OTOGL: variants seen among roughly 807,000 people sequenced by gnomAD.
OTOGL encodes the protein otogelin-like protein.
A neutral mutation model predicts 318.5 loss-of-function variants in OTOGL; 285 were observed. The ratio of observed to expected loss-of-function variants is 0.89; its 90% confidence interval spans 0.81 to 0.99. The LOEUF (loss-of-function observed/expected upper bound fraction) is 0.99, where lower values mean the gene tolerates loss of function less well. Ranked by LOEUF, OTOGL falls within the 50% of genes least tolerant of loss-of-function variation. The probability of loss-of-function intolerance (pLI) is 0.00; values close to 1 mark genes in which losing one functional copy is unlikely to be tolerated. For missense variants in OTOGL, 2,899 were observed against 2,845.6 expected, an observed-to-expected ratio of 1.02 and a Z score of -0.43; for synonymous variants, 987 against 936.5, an observed-to-expected ratio of 1.05 and a Z score of -0.99.
At chr12:80,128,692 T>G (rs1368709681) in intron 1 of OTOGL, among the ~76,000 whole-genome samples, 1 of 152,216 alleles carries the variant, frequency 6.6e-6, no homozygotes, top group Non-Finnish European at 1.5e-5. Context: ...CTCCACCTAG[T>G]TCGAGCTTCC....
chr12:80,268,141 T>C (rs1427720188), intron 22 of OTOGL, among the ~76,000 whole-genome samples: 1 of 152,148 alleles, frequency 6.6e-6, no homozygotes, highest in African/African-American at 2.4e-5. Context: ...CAGCAGTCCA[T>C]ACTTACATAT....
chr12:80,123,954 G>T (rs1357479627), intron 1 of OTOGL, among the ~76,000 whole-genome samples: 3 of 152,116 alleles, frequency 2.0e-5, no homozygotes, highest in Non-Finnish European at 4.4e-5. Flanking sequence ...TGTCAGATGA[G>T]TAGATTGCAA....
In OTOGL at chr12:80,313,615, G is replaced by C. The variant is rs745418563; in HGVS notation, c.3590G>C (p.Arg1197Thr). The change falls in exon 31 of 59, where the codon AGA (arginine) becomes ACA (threonine). Residue 1197 changes from arginine to threonine, a missense_variant. Coordinates refer to ENST00000547103, the MANE Select transcript of OTOGL (RefSeq NM_001378609.3). ...CAGGAAGGAATATCAATTCATTGGAGATCATCTACTGTTTGTTGTAAGTAC... is the reference window on the plus strand; with the variant it reads ...CAGGAAGGAATATCAATTCATTGGACATCATCTACTGTTTGTTGTAAGTAC... ...CCQEGISIHW[R>T]SSTVCSLDCE... The C allele has an allele frequency of 6.2e-7, 1 of 1,611,432 alleles. No individual in the cohort carries two copies. Among genetic ancestry groups the C allele is most frequent in the Admixed American group, 1.7e-5 (1 of 59,774 alleles).
Position 80,183,024 on chromosome 12 carries a change from A to G in OTOGL, c.-19-26389A>G, listed in dbSNP as rs1442854290. Among the ~76,000 whole-genome samples the G allele has an allele frequency of 3.9e-5, 6 of 152,340 alleles. No homozygotes were observed. In the East Asian group the frequency reaches 5.8e-4, roughly 15 times the overall value. ...TTACTTCATTTTTTGGAAAATGTTT[A>G]TATCAATAATTACCTTACAACAGAC... On this transcript the variant is annotated intron_variant, in intron 1 of 58. Coordinates refer to ENST00000547103, the MANE Select transcript of OTOGL (RefSeq NM_001378609.3).
intron 1 of OTOGL, among the ~76,000 whole-genome samples, chr12:80,183,385 T>G (rs1300661742): frequency 6.6e-6 from 1 of 152,218 alleles, no homozygotes; most frequent in African/African-American, 2.4e-5. Context: ...TCCAAGTTCT[T>G]TTGGCTTTTT....
At chr12:80,338,357 A>G (rs1888539665) in intron 42 of OTOGL, among the ~76,000 whole-genome samples, 1 of 152,096 alleles carries the variant, frequency 6.6e-6, no homozygotes, top group African/African-American at 2.4e-5. Context: ...AGTATGTTTC[A>G]GCTCAAGGAC....
rs1175619974 is a variant in OTOGL at position 80,307,941 on chromosome 12, C to T, written c.3333+2246C>T. 2.0e-4 allele frequency among the ~76,000 whole-genome samples: 26 copies of T among 133,062 alleles called. 1 individual carries two copies. The highest frequency in any genetic ancestry group is 6.7e-4 in the African/African-American group (21 of 31,330). The allele number at this position is 133,062 out of a possible 152,430, so 87.3% of individuals were successfully genotyped here. Reference sequence around the variant, plus strand: ...GGGGCTGACCCCCCCACCTCCCTCCCGGACGGAGCGGCTGGCCGGGCAGAG... The same window carrying T: ...GGGGCTGACCCCCCCACCTCCCTCCTGGACGGAGCGGCTGGCCGGGCAGAG... On this transcript the variant is annotated intron_variant, in intron 29 of 58. Transcript: ENST00000547103.
chr12:80,310,570 C>A (rs772395003), intron 29 of OTOGL, 41 bp from the exon 30 acceptor site: 1 of 1,373,476 alleles, frequency 7.3e-7, no homozygotes, highest in Non-Finnish European at 1.0e-6. Context: ...GAGAAATTGT[C>A]CCTTTGAAAA....
At chr12:80,110,746 A>G (rs912793950) in intron 1 of OTOGL, among the ~76,000 whole-genome samples, 27 of 151,080 alleles carry the variant, frequency 1.8e-4, no homozygotes, top group African/African-American at 6.6e-4. Flanking sequence ...AGAATGATTT[A>G]TAATCCTTTG....
intron 14 of OTOGL, among the ~76,000 whole-genome samples, chr12:80,253,800 T>C (rs1881787030): frequency 6.6e-6 from 1 of 152,128 alleles, no homozygotes; most frequent in South Asian, 2.1e-4. Flanking sequence ...TATATCCACA[T>C]AATGAGTCTG....
intron 1 of OTOGL, among the ~76,000 whole-genome samples, chr12:80,160,185 C>T (rs1052523507): frequency 6.6e-5 from 10 of 152,042 alleles, no homozygotes; most frequent in South Asian, 2.1e-4. Flanking sequence ...ACATTGGCTT[C>T]GGCAAAGACT....
At chr12:80,121,360 T>C (rs1870477224) in intron 1 of OTOGL, among the ~76,000 whole-genome samples, 1 of 152,178 alleles carries the variant, frequency 6.6e-6, no homozygotes, top group Non-Finnish European at 1.5e-5. Context: ...AGCAGACCGT[T>C]GCCTCCTCAG....
chr12:80,104,965 G>A (rs991746736), intron 1 of OTOGL, among the ~76,000 whole-genome samples: 1 of 151,982 alleles, frequency 6.6e-6, no homozygotes, highest in Non-Finnish European at 1.5e-5. Flanking sequence ...ACGTGGTGGT[G>A]CATGCCTGTA....
chr12:80,137,557 A>T (rs144865282), intron 1 of OTOGL, among the ~76,000 whole-genome samples: 157 of 152,300 alleles, frequency 1.0e-3, no homozygotes, highest in South Asian at 2.5e-3. Flanking sequence ...AGACCTTAAC[A>T]TGCTTTCAAA....
intron 23 of OTOGL, among the ~76,000 whole-genome samples, 190 bp downstream of exon 23, chr12:80,270,344 C>G: frequency 6.6e-6 from 1 of 152,106 alleles, no homozygotes; most frequent in East Asian, 1.9e-4. Flanking sequence ...TTAGGACAGT[C>G]TGGGTTGAAC....
intron 1 of OTOGL, among the ~76,000 whole-genome samples, chr12:80,108,932 G>GTATATATATA (rs1869657823): frequency 5.4e-5 from 5 of 92,904 alleles, no homozygotes; most frequent in African/African-American, 2.2e-4. Context: ...ATATATATGT[G>GTATATATATA]TGTGTATATA....
At chr12:80,124,648 T>A (rs756901353) in intron 1 of OTOGL, among the ~76,000 whole-genome samples, 2 of 152,228 alleles carry the variant, frequency 1.3e-5, no homozygotes, top group African/African-American at 4.8e-5. Context: ...ATTTTCATGA[T>A]ATTGATTCTC....
chr12:80,248,746 A>G (rs1231645730), intron 11 of OTOGL, among the ~76,000 whole-genome samples: 1 of 148,530 alleles, frequency 6.7e-6, no homozygotes, highest in African/African-American at 2.5e-5. Context: ...CCTGGATAAT[A>G]TCCTGCAGAG....
intron 29 of OTOGL, among the ~76,000 whole-genome samples, chr12:80,308,296 G>A (rs1186064982): frequency 1.3e-5 from 2 of 150,576 alleles, no homozygotes; most frequent in South Asian, 2.1e-4. Flanking sequence ...CAGACCGGGC[G>A]GTTGCCAGGC....
Sources: allele counts gnomAD v4.1 joint callset (sites outside exome capture counted in the v4.1 genomes callset), GRCh38; gene constraint gnomAD v4.1.1; transcripts MANE v1.5; gene names NCBI Gene and HGNC (gene_info 2026-07-23, HGNC 2026-07-21).